Variants in PODNL1 observed in about 807,000 individuals in gnomAD.
The protein encoded by PODNL1 is podocan like 1.
A neutral mutation model predicts 45.1 loss-of-function variants in PODNL1; 50 were observed. That is an observed-to-expected ratio of 1.11 (90% CI 0.88 to 1.40). PODNL1 has a LOEUF of 1.40. Among genes scored for constraint, PODNL1 ranks in the 40% most tolerant of loss-of-function variants. The pLI, the probability that PODNL1 is intolerant of heterozygous loss-of-function variation, is 0.00. For missense variants in PODNL1, 788 were observed against 793.3 expected (o/e 0.99, Z 0.08); for synonymous variants, 406 against 372.5 (o/e 1.09, Z -1.04).
chr19:13,952,999 C>G, intron 1 of PODNL1: 1 of 1,181,040 alleles, frequency 8.5e-7, no homozygotes, highest in Middle Eastern at 2.0e-4. Context: ...CATGGTTGCT[C>G]CATAATGGAA....
chr19:13,934,756 GTGC>G (rs1972219720), intron 5 of PODNL1, among the ~76,000 whole-genome samples: 1 of 152,052 alleles, frequency 6.6e-6, no homozygotes, highest in Non-Finnish European at 1.5e-5. Context: ...ATGCAAGTGT[GTGC>G]TATGTGCCTG....
chr19:13,936,407 C>G lies in PODNL1; in HGVS notation c.279G>C (p.Leu93=). 1 of 1,613,574 alleles carries G rather than the reference C, an allele frequency of 6.2e-7. No homozygotes were observed. The highest frequency in any genetic ancestry group is 8.5e-7 in the Non-Finnish European group (1 of 1,179,708). The change falls in exon 3 of 10, where the codon CTG becomes CTC. Residue 93 remains leucine, a synonymous_variant. Coordinates refer to ENST00000588872, the MANE Select transcript of PODNL1 (RefSeq NM_001370095.3). The stretch of plus-strand genomic sequence containing the variant: ...GGTTGTTGTGGAGGTTGAGGGTTCG[C>G]AGGCCACTGAGGCGGGACAGCTCAT... ...PYNELSRLSG[L]RTLNLHNNLI...
chr19:13,952,398 G>T, intron 1 of PODNL1: 1 of 1,208,950 alleles, frequency 8.3e-7, no homozygotes, highest in Non-Finnish European at 1.0e-6. Flanking sequence ...GGCATAGCGC[G>T]AGTGCGGGCT....
upstream of PODNL1, among the ~76,000 whole-genome samples, chr19:13,941,648 T>TA (rs1424385217): frequency 2.0e-5 from 3 of 152,126 alleles, no homozygotes; most frequent in East Asian, 5.8e-4. Context: ...CCGTCTCTAC[T>TA]AAAAATACAA....
At chr19:13,940,519 C>T (rs563199355), upstream of PODNL1, among the ~76,000 whole-genome samples, 23 of 124,718 alleles carry the variant, frequency 1.8e-4, no homozygotes, top group Non-Finnish European at 2.9e-4. Context: ...TGCAGTGAGC[C>T]GAGATCACGC....
In PODNL1 at chr19:13,932,945, G is replaced by C. The variant is rs374827755; in HGVS notation, c.1278C>G (p.Thr426=). The C allele has an allele frequency of 1.9e-6, 3 of 1,563,914 alleles. No individual in the cohort carries two copies. In the East Asian group the frequency reaches 7.1e-5, roughly 37 times the overall value. The change falls in exon 8 of 10, where the codon ACC becomes ACG. Residue 426 remains threonine, a synonymous_variant. Coordinates refer to ENST00000588872, the MANE Select transcript of PODNL1 (RefSeq NM_001370095.3). ...GCAGCTGGTTGCGTTGCAGCTGCAG[G>C]GTGCGCAGGCCAGTGGGCAGGCCCA... ...LPMGLPTGLR[T]LQLQRNQLRM...
chr19:13,952,677 G>A, intron 1 of PODNL1: 1 of 1,289,800 alleles, frequency 7.8e-7, no homozygotes, highest in Admixed American at 3.9e-5. Context: ...GGAGCGCGCC[G>A]GAGGGTGGGG....
At chr19:13,935,616 T>C in intron 5 of PODNL1, 105 bp downstream of exon 5, 1 of 861,032 alleles carries the variant, frequency 1.2e-6, no homozygotes. Context: ...AGTGAGCCAC[T>C]GCACCCGGCC....
At chr19:13,950,526 ATGGT>A (rs1315503875) in intron 1 of PODNL1, among the ~76,000 whole-genome samples, 7 of 152,210 alleles carry the variant, frequency 4.6e-5, no homozygotes, top group African/African-American at 1.7e-4. Context: ...ATGTTGTCTA[ATGGT>A]TAGATTGAGG....
chr19:13,940,336 C>G (rs1409469835), upstream of PODNL1, among the ~76,000 whole-genome samples: 2 of 151,110 alleles, frequency 1.3e-5, no homozygotes, highest in East Asian at 3.9e-4. Context: ...CTTTGGGAGG[C>G]CGAGGCAGGT....
At chr19:13,935,936 G>A (rs767226957) in intron 4 of PODNL1, 44 bp downstream of exon 4, 1 of 1,543,728 alleles carries the variant, frequency 6.5e-7, no homozygotes, top group Non-Finnish European at 8.8e-7. Flanking sequence ...GACTGAAGCT[G>A]CACCCTCACT....
At chr19:13,942,329 C>T (rs190105832), upstream of PODNL1, among the ~76,000 whole-genome samples, 5 of 152,260 alleles carry the variant, frequency 3.3e-5, no homozygotes, top group Admixed American at 6.5e-5. Context: ...CTAAGACATT[C>T]CCAGAACCAA....
At chr19:13,950,676 C>T (rs999476700) in intron 1 of PODNL1, among the ~76,000 whole-genome samples, 3 of 152,144 alleles carry the variant, frequency 2.0e-5, no homozygotes, top group African/African-American at 7.2e-5. Context: ...TGCCAGGTGT[C>T]CCCACTGTCT....
Position 13,931,714 on chromosome 19 carries a change from T to C in PODNL1, c.*23A>G. 1 of 1,231,748 alleles carries C rather than the reference T, an allele frequency of 8.1e-7. No homozygotes were observed. Among genetic ancestry groups the C allele is most frequent in the Non-Finnish European group, 1.0e-6 (1 of 987,904 alleles). 76.3% of individuals were successfully genotyped at this position (1,231,748 alleles called of 1,614,324 possible). On this transcript the variant is annotated 3_prime_UTR_variant, in exon 10 of 10. Transcript: ENST00000588872. ...CCAGCGGAGTCCCAGGAGTCTGAGC[T>C]GCTCTGCTGGGCCTCTCTAGGATCA...
In PODNL1 at chr19:13,933,552, T is replaced by A; in HGVS notation, c.768-97A>T. 1 of 1,311,554 alleles carries A rather than the reference T, an allele frequency of 7.6e-7. No individual in the cohort carries two copies. The highest frequency in any genetic ancestry group is 1.0e-6 in the Non-Finnish European group (1 of 973,368). 81.2% of individuals were successfully genotyped at this position (1,311,554 alleles called of 1,614,324 possible). A position where few individuals can be genotyped will look rare whatever the true frequency, so the allele number is the denominator to read the frequency against. ...CTGGGGAGTGGTCCTGAGACAGATT[T>A]AAGCTGGAGATTTTGACTTGGGAGT... On this transcript the variant is annotated intron_variant, in intron 7 of 9. Coordinates refer to ENST00000588872, the MANE Select transcript of PODNL1 (RefSeq NM_001370095.3). The surrounding 1 kb of genome is among the most constrained non-coding windows in gnomAD (Gnocchi z 5.2).
chr19:13,949,966 T>C (rs1972945982), intron 1 of PODNL1, among the ~76,000 whole-genome samples: 1 of 152,084 alleles, frequency 6.6e-6, no homozygotes, highest in African/African-American at 2.4e-5. Flanking sequence ...GTTCAAGTGA[T>C]TCTCCTGCCT....
At chr19:13,948,000 C>T (rs1393763663) in intron 1 of PODNL1, among the ~76,000 whole-genome samples, 3 of 152,016 alleles carry the variant, frequency 2.0e-5, no homozygotes, top group East Asian at 1.9e-4. Context: ...GCTGGGAGTA[C>T]AGGCTCAGGC....
At chr19:13,940,290 G>A (rs919621199), upstream of PODNL1, among the ~76,000 whole-genome samples, 5 of 151,982 alleles carry the variant, frequency 3.3e-5, no homozygotes, top group African/African-American at 1.2e-4. Context: ...CTTTGTGGGG[G>A]GCCAGGCGCG....
chr19:13,940,269 T>A (rs942281786), upstream of PODNL1, among the ~76,000 whole-genome samples: 4 of 151,296 alleles, frequency 2.6e-5, no homozygotes, highest in Admixed American at 2.6e-4. Flanking sequence ...TCTAAAAAAA[T>A]TTTTTAAAAA....
Sources: allele counts gnomAD v4.1 joint callset (sites outside exome capture counted in the v4.1 genomes callset), GRCh38; gene constraint gnomAD v4.1.1; non-coding constraint Gnocchi (gnomAD v3.1); transcripts MANE v1.5; gene names NCBI Gene and HGNC (gene_info 2026-07-23, HGNC 2026-07-21).